The following MTA1 variants were observed in gnomAD, a reference collection of about 807,000 sequenced individuals.
The protein encoded by MTA1 is metastasis-associated protein MTA1.
In MTA1, 15 loss-of-function variants were observed where a neutral mutation model predicts 97.0. The observed-to-expected ratio is 0.15, with a 90% CI of 0.10 to 0.24. The LOEUF (loss-of-function observed/expected upper bound fraction) is 0.24, where lower values mean the gene tolerates loss of function less well. MTA1 is among the 10% of genes least tolerant of loss of function. The probability of loss-of-function intolerance (pLI) is 1.00; values close to 1 mark genes in which losing one functional copy is unlikely to be tolerated. For synonymous variants in MTA1, 435 were observed against 417.5 expected (o/e 1.04, Z -0.51); for missense variants, 709 against 1,015.1 (o/e 0.70, Z 4.10).
Position 105,422,139 on chromosome 14 carries a change from A to G in MTA1, c.28+2076A>G, listed in dbSNP as rs2081860101. 2.0e-5 allele frequency among the ~76,000 whole-genome samples: 3 copies of G among 152,070 alleles called. No individual in the cohort carries two copies. Among genetic ancestry groups the G allele is most frequent in the African/African-American group, 7.2e-5 (3 of 41,404 alleles). On this transcript the variant is annotated intron_variant, in intron 1 of 20. Coordinates refer to ENST00000331320, the MANE Select transcript of MTA1 (RefSeq NM_004689.4). This position sits in a 1 kb window ranked among gnomAD's most constrained non-coding sequence, Gnocchi z 4.3. ...TCAGGCCCCCCACGTGCCCGCCCCG[A>G]GGACTTCCTCTCCCTGCAGGTGAGA...
chr14:105,450,364 G>C (rs111785520), intron 6 of MTA1, 40 bp downstream of exon 6: 5 of 1,578,574 alleles, frequency 3.2e-6, no homozygotes, highest in East Asian at 4.5e-5. Context: ...AGCCAGTCCC[G>C]GGCCACTGTT....
At position 105,470,191 on chromosome 14, in the gene MTA1, C is replaced by G. The variant is rs782318682; in HGVS notation, c.2124C>G (p.Asp708Glu). The change falls in exon 21 of 21, where the codon GAC (aspartate) becomes GAG (glutamate). Residue 708 changes from aspartate to glutamate, a missense_variant. Asp to Glu is a conservative substitution (Grantham distance 45, BLOSUM62 2). Around this residue, in one of 2 missense-constraint regions of MTA1, gnomAD observed 388 missense variants for 421.6 expected, o/e 0.92. Transcript: ENST00000331320. ...PRPPPPAPVN[D>E]EPIVIED ...CACCGCCACCTGCGCCCGTCAACGA[C>G]GAGCCCATCGTCATCGAGGACTAGG... is the stretch of plus-strand genomic sequence containing the variant. 3 of 1,605,076 alleles carry G rather than the reference C, an allele frequency of 1.9e-6. No homozygotes were observed. The highest frequency in any genetic ancestry group is 2.7e-5 in the African/African-American group (2 of 74,754).
intron 1 of MTA1, among the ~76,000 whole-genome samples, chr14:105,427,472 C>T (rs1429043726): frequency 1.3e-5 from 2 of 152,178 alleles, no homozygotes; most frequent in African/African-American, 4.8e-5. Context: ...GTGTGTTGGA[C>T]AGGCTCTGCC....
At chr14:105,451,961 T>TGTACGGACAAAAATACACCATG (rs1555428841) in intron 6 of MTA1, among the ~76,000 whole-genome samples, 21 of 152,154 alleles carry the variant, frequency 1.4e-4, no homozygotes, top group African/African-American at 4.8e-4. Flanking sequence ...CGGCTAATTT[T>TGTACGGACAAAAATACACCATG]TTGTATTTTT....
At chr14:105,423,648 G>T (rs587763724) in intron 1 of MTA1, among the ~76,000 whole-genome samples, 1 of 152,240 alleles carries the variant, frequency 6.6e-6, no homozygotes, top group Non-Finnish European at 1.5e-5. Flanking sequence ...GCTCTGCCCC[G>T]GTCTCTGGCG....
chr14:105,422,874 G>A lies in MTA1; in HGVS notation c.28+2811G>A, dbSNP rs1443359811. On this transcript the variant is annotated intron_variant, in intron 1 of 20. Transcript: ENST00000331320. This position sits in a 1 kb window ranked among gnomAD's most constrained non-coding sequence, Gnocchi z 4.3. ...GGACAGAGGCCTTCTGTCTGTGCCT[G>A]TGAGGGCAGCGGATGGCCTGGGCAA... 6.6e-6 allele frequency among the ~76,000 whole-genome samples: 1 copy of A among 152,236 alleles called. No homozygotes were observed. The highest frequency in any genetic ancestry group is 2.4e-5 in the African/African-American group (1 of 41,478).
intron 1 of MTA1, among the ~76,000 whole-genome samples, chr14:105,426,082 C>T (rs1329794465): frequency 6.6e-6 from 1 of 152,120 alleles, no homozygotes; most frequent in Admixed American, 6.5e-5. Context: ...GCCCGCCTGC[C>T]CCCAGAGCCC....
At chr14:105,441,260 G>GC (rs10717006) in intron 2 of MTA1, among the ~76,000 whole-genome samples, 3,221 of 151,832 alleles carry the variant, frequency 0.021, 55 homozygotes, top group Non-Finnish European at 0.036. Flanking sequence ...CCCCTGGTGG[G>GC]CCCCCCCGCC....
intron 9 of MTA1, 87 bp from the exon 10 acceptor site, chr14:105,460,678 C>T: frequency 7.2e-7 from 1 of 1,389,484 alleles, no homozygotes; most frequent in Non-Finnish European, 9.6e-7. Context: ...AGTAGGGGAT[C>T]CTTGAGGTAC....
In MTA1 at chr14:105,464,060, G is replaced by C. The variant is rs375096134; in HGVS notation, c.1105G>C (p.Val369Leu). The change falls in exon 13 of 21, where the codon GTC becomes CTC. Residue 369 changes from valine (V) to leucine (L), a missense_variant. Transcript: ENST00000331320. ...CAAGCCAAATCCGAACCAAATCAGC[G>C]TCAACAACGTCAAGGCCGGTGTGGT... ...YNKPNPNQIS[V>L]NNVKAGVVNG... 6 of 1,612,612 alleles carry C rather than the reference G, an allele frequency of 3.7e-6. No individual in the cohort carries two copies. Among genetic ancestry groups the C allele is most frequent in the Non-Finnish European group, 5.1e-6 (6 of 1,179,796 alleles).
intron 3 of MTA1, 36 bp from the exon 4 acceptor site, chr14:105,449,323 G>T: frequency 6.2e-7 from 1 of 1,604,504 alleles, no homozygotes; most frequent in South Asian, 1.1e-5. Context: ...ACCCTGTGCT[G>T]ACCGTGCTGC....
chr14:105,437,841 G>T (rs1196875670), intron 1 of MTA1, among the ~76,000 whole-genome samples: 1 of 152,230 alleles, frequency 6.6e-6, no homozygotes, highest in Non-Finnish European at 1.5e-5. Flanking sequence ...GCCCCAGGAG[G>T]CCTGGAGCAT....
In MTA1 at chr14:105,469,828, AC is replaced by A. The variant is rs1555433881; in HGVS notation, c.1846-8del. 6.9e-6 allele frequency: 11 copies of A among 1,597,004 alleles called. No individual in the cohort carries two copies. The highest frequency in any genetic ancestry group is 9.4e-6 in the Non-Finnish European group (11 of 1,172,820). On this transcript the variant is annotated splice_polypyrimidine_tract_variant and intron_variant, in intron 19 of 20. Transcript: ENST00000331320. Reference sequence around the variant, plus strand: ...CCTTGGCTGGCTGCCCAGGAAGTGCACCCCCTCTGCAGGGACCAAGCCGGAA... The same window carrying A: ...CCTTGGCTGGCTGCCCAGGAAGTGCACCCCTCTGCAGGGACCAAGCCGGAA...
intron 9 of MTA1, 134 bp downstream of exon 9, chr14:105,460,591 G>C: frequency 8.4e-7 from 1 of 1,191,508 alleles, no homozygotes. Flanking sequence ...GTCCCACCTG[G>C]ACTGGCCTTT....
chr14:105,441,655 G>A lies in MTA1; in HGVS notation c.96+2916G>A, dbSNP rs587768342. Among the ~76,000 whole-genome samples the A allele has an allele frequency of 1.3e-3, 196 of 152,278 alleles. 1 individual carries two copies. The highest frequency in any genetic ancestry group is 3.9e-3 in the South Asian group (19 of 4,824). ...TAAAAATACAAAAAATTAGCCGGGC[G>A]TGGTGGCGGGCGCCTGTGATCCCAG... On this transcript the variant is annotated intron_variant, in intron 2 of 20. Transcript: ENST00000331320.
chr14:105,455,237 A>T (rs1186361987), intron 7 of MTA1, among the ~76,000 whole-genome samples: 1 of 152,136 alleles, frequency 6.6e-6, no homozygotes, highest in East Asian at 1.9e-4. Context: ...GCCTCCAGAA[A>T]TTTTCTTCTG....
At position 105,424,491 on chromosome 14, in the gene MTA1, G is replaced by A. The variant is rs1377777937; in HGVS notation, c.28+4428G>A. On this transcript the variant is annotated intron_variant, in intron 1 of 20. Transcript: ENST00000331320. The surrounding 1 kb of genome is among the most constrained non-coding windows in gnomAD (Gnocchi z 4.0). The stretch of plus-strand genomic sequence containing the variant: ...ATTGGGATTACAGGCGTGAGCCACT[G>A]CGTCTGGCTTTTTTTTTTGTTTTTG... Among the ~76,000 whole-genome samples the A allele has an allele frequency of 2.0e-5, 3 of 150,876 alleles. No individual in the cohort carries two copies. The highest frequency in any genetic ancestry group is 4.4e-5 in the Non-Finnish European group (3 of 67,862).
At chr14:105,447,649 G>T (rs986942675) in intron 3 of MTA1, among the ~76,000 whole-genome samples, 8 of 152,150 alleles carry the variant, frequency 5.3e-5, no homozygotes, top group African/African-American at 1.9e-4. Flanking sequence ...TTTGGACGGT[G>T]CTCCCTGGAA....
Position 105,438,695 on chromosome 14 carries a change from T to A in MTA1, c.52T>A (p.Ser18Thr). 1.9e-6 allele frequency: 3 copies of A among 1,612,426 alleles called. No individual in the cohort carries two copies. The highest frequency in any genetic ancestry group is 2.5e-6 in the Non-Finnish European group (3 of 1,179,396). The change falls in exon 2 of 21, where the codon TCC becomes ACC. Residue 18 changes from serine to threonine, a missense_variant. Physicochemically the swap from Ser to Thr is moderately conservative, Grantham distance 58. Coordinates refer to ENST00000331320, the MANE Select transcript of MTA1 (RefSeq NM_004689.4). The stretch of plus-strand genomic sequence containing the variant: ...AGACTACGTCTACTTTGAGAACTCC[T>A]CCAGCAACCCATACCTGATCCGGAG... ...VGDYVYFENS[S>T]SNPYLIRRIE...
Sources: gnomAD v4.1 joint callset for allele counts (sites outside exome capture counted in the v4.1 genomes callset) on GRCh38, gnomAD v4.1.1 for gene constraint, gnomAD v4.1.1 regional missense constraint, Gnocchi (gnomAD v3.1) non-coding constraint, MANE v1.5 for transcripts, NCBI Gene and HGNC (gene_info 2026-07-23, HGNC 2026-07-21) for gene names.